Variants in PEAR1 observed in about 807,000 individuals in gnomAD.
The protein encoded by PEAR1 is platelet endothelial aggregation receptor 1.
A neutral mutation model predicts 131.2 loss-of-function variants in PEAR1; 113 were observed. That is an observed-to-expected ratio of 0.86 (90% confidence interval 0.74 to 1.01). The LOEUF (loss-of-function observed/expected upper bound fraction) is 1.01. Ranked by LOEUF, PEAR1 falls within the 50% of genes least tolerant of loss-of-function variation. The pLI, the probability that PEAR1 is intolerant of heterozygous loss-of-function variation, is 0.00. For missense variants in PEAR1, 1,408 were observed against 1,391.1 expected (o/e 1.01, Z -0.19); for synonymous variants, 565 against 523.3 (o/e 1.08, Z -1.09).
chr1:156,909,976 G>A (rs1223701972), intron 12 of PEAR1, 30 bp from the exon 13 acceptor site: 1 of 1,612,914 alleles, frequency 6.2e-7, no homozygotes, highest in Non-Finnish European at 8.5e-7. Context: ...CCAGCTGACT[G>A]GCCTACCTGC....
chr1:156,908,815 G>T lies in PEAR1; in HGVS notation c.1276G>T (p.Ala426Ser). The change falls in exon 10 of 23, where the codon GCG becomes TCG. Residue 426 changes from alanine to serine, a missense_variant. Physicochemically the swap from Ala to Ser is moderately conservative, Grantham distance 99. Transcript: ENST00000292357. This position sits in a 1 kb window ranked among gnomAD's most constrained non-coding sequence, Gnocchi z 4.2. ...GGCTACCAGCGGCCTCTGTCAGTGC[G>T]CGCCGGGTTACACGGTGAGGCGCGC... is the stretch of plus-strand genomic sequence containing the variant. ...CQATSGLCQC[A>S]PGYTGPHCAS... 6.2e-7 allele frequency: 1 copy of T among 1,606,880 alleles called. No individual in the cohort carries two copies. Among genetic ancestry groups the T allele is most frequent in the Non-Finnish European group, 8.5e-7 (1 of 1,179,354 alleles).
At chr1:156,910,179 C>G in intron 13 of PEAR1, 55 bp from the exon 14 acceptor site, 1 of 1,611,978 alleles carries the variant, frequency 6.2e-7, no homozygotes. Flanking sequence ...TCCAGAAGAG[C>G]CCCCTGGAAC....
intron 11 of PEAR1, 114 bp from the exon 12 acceptor site, chr1:156,909,637 A>T: frequency 8.4e-7 from 1 of 1,197,476 alleles, no homozygotes; most frequent in African/African-American, 1.5e-5. Flanking sequence ...TGCCGTGAAC[A>T]CCCCCCACCC....
Position 156,908,856 on chromosome 1 carries a change from C to T in PEAR1, c.1290+27C>T, listed in dbSNP as rs1438880416. 3.1e-6 allele frequency: 5 copies of T among 1,606,136 alleles called. No individual in the cohort carries two copies. The highest frequency in any genetic ancestry group is 1.7e-5 in the Admixed American group (1 of 59,918). On this transcript the variant is annotated intron_variant, in intron 10 of 22. Transcript: ENST00000292357. This position sits in a 1 kb window ranked among gnomAD's most constrained non-coding sequence, Gnocchi z 4.2. ...TGAGGCGCGCCCGGCTGCAAGGAAG[C>T]GAGGCAGGTGGAGAGGCCAAGGAAT... is the stretch of plus-strand genomic sequence containing the variant.
intron 1 of PEAR1, 134 bp from the exon 2 acceptor site, chr1:156,903,784 C>G (rs1040034660): frequency 2.2e-5 from 15 of 690,038 alleles, no homozygotes; most frequent in Non-Finnish European, 3.6e-5. Flanking sequence ...AGCTGGAGCT[C>G]AGAGCAAGGG....
chr1:156,912,908 A>G lies in PEAR1; in HGVS notation c.2348A>G (p.Lys783Arg). ...TTCATTGGCTATCGGCACTGGCAAA[A>G]AGGCAAGGAGCACCACCACCTGGCT... ...ALFIGYRHWQKGKEHHHLAVA... is the reference protein window; with the variant it reads ...ALFIGYRHWQRGKEHHHLAVA... The change falls in exon 18 of 23, where the codon AAA becomes AGA. Residue 783 changes from lysine (K) to arginine (R), a missense_variant. Transcript: ENST00000292357. 1 of 1,614,182 alleles carries G rather than the reference A, an allele frequency of 6.2e-7. No individual in the cohort carries two copies. Among genetic ancestry groups the G allele is most frequent in the Non-Finnish European group, 8.5e-7 (1 of 1,180,028 alleles).
intron 15 of PEAR1, among the ~76,000 whole-genome samples, chr1:156,911,815 T>C (rs899400062): frequency 6.6e-6 from 1 of 152,196 alleles, no homozygotes; most frequent in Non-Finnish European, 1.5e-5. Flanking sequence ...GGAAGTCATC[T>C]TGGTGAAGAG....
At chr1:156,894,062 G>A (rs966966648) in intron 1 of PEAR1, among the ~76,000 whole-genome samples, 3 of 152,214 alleles carry the variant, frequency 2.0e-5, no homozygotes, top group Non-Finnish European at 4.4e-5. Context: ...GTTCCCTTCC[G>A]TAATGAACAT....
intron 6 of PEAR1, 22 bp downstream of exon 6, chr1:156,906,902 A>G (rs1650393175): frequency 6.2e-7 from 1 of 1,609,394 alleles, no homozygotes; most frequent in Non-Finnish European, 8.5e-7. Context: ...GGGGAACGAC[A>G]CTTTAACAAG....
Position 156,907,748 on chromosome 1 carries a change from T to G in PEAR1, c.765+18T>G. Reference sequence around the variant, plus strand: ...GCTGGATGGTATGGAGGGTGGGGCCTGTGGGCATGGGGTGTGGGTCTGGGG... The same window carrying G: ...GCTGGATGGTATGGAGGGTGGGGCCGGTGGGCATGGGGTGTGGGTCTGGGG... On this transcript the variant is annotated intron_variant, in intron 7 of 22. Coordinates refer to ENST00000292357, the MANE Select transcript of PEAR1 (RefSeq NM_001080471.3). 6.3e-7 allele frequency: 1 copy of G among 1,596,910 alleles called. No homozygotes were observed. Among genetic ancestry groups the G allele is most frequent in the African/African-American group, 1.4e-5 (1 of 73,814 alleles).
Position 156,909,902 on chromosome 1 carries a change from G to A in PEAR1, c.1563G>A (p.Gln521=). The A allele has an allele frequency of 3.1e-6, 5 of 1,608,600 alleles. No individual in the cohort carries two copies. Among genetic ancestry groups the A allele is most frequent in the Non-Finnish European group, 4.3e-6 (5 of 1,176,208 alleles). The change falls in exon 12 of 23, where the codon CAG becomes CAA. Residue 521 remains glutamine (Q), a synonymous_variant. Coordinates refer to ENST00000292357, the MANE Select transcript of PEAR1 (RefSeq NM_001080471.3). ...CTGGGTGGCATGGGGCCCACTGCCA[G>A]CTGCCCTGTCCGGTGAGTGCTGGAC... is the stretch of plus-strand genomic sequence containing the variant. ...CTPGWHGAHC[Q]LPCPKGQFGE...
chr1:156,905,245 T>G (rs6676171), intron 3 of PEAR1, 79 bp from the exon 4 acceptor site: 396,145 of 1,444,606 alleles, frequency 0.27, 74,150 homozygotes, highest in East Asian at 0.83. Flanking sequence ...TGGTGCCCCT[T>G]CCCTGGCCTC....
chr1:156,906,964 A>G (rs868529837), intron 6 of PEAR1, 84 bp downstream of exon 6: 8 of 1,499,326 alleles, frequency 5.3e-6, no homozygotes, highest in Middle Eastern at 4.4e-4. Flanking sequence ...GGTGACTCAG[A>G]CAGGGCCCCA....
chr1:156,901,703 G>C (rs1345734221), intron 1 of PEAR1, among the ~76,000 whole-genome samples: 1 of 152,230 alleles, frequency 6.6e-6, no homozygotes, highest in Non-Finnish European at 1.5e-5. Flanking sequence ...GGGAAGAGGG[G>C]AGTGTGGAGA....
Position 156,904,612 on chromosome 1 carries a change from A to G in PEAR1, c.102-136A>G. 3.4e-6 allele frequency: 3 copies of G among 879,238 alleles called. No individual in the cohort carries two copies. In the South Asian group the frequency reaches 5.1e-5, roughly 15 times the overall value. 54.5% of individuals were successfully genotyped at this position (879,238 alleles called of 1,614,324 possible). A position where few individuals can be genotyped will look rare whatever the true frequency, so the allele number is the denominator to read the frequency against. On this transcript the variant is annotated intron_variant, in intron 2 of 22. Transcript: ENST00000292357. ...AGAGGTGGGACAGGATGGGGGTCCC[A>G]TCCTAGGCTACGAGAGCAGCCCCAG...
rs1203728128 is a variant in PEAR1, at chr1:156,912,567, A to G, written c.2154A>G (p.Pro718=). 1.2e-6 allele frequency: 2 copies of G among 1,613,930 alleles called. No individual in the cohort carries two copies. The highest frequency in any genetic ancestry group is 1.3e-5 in the African/African-American group (1 of 74,912). Reference sequence around the variant, plus strand: ...GTGGTCCTGGAGAAAAGTGCCACCCAGAGACTGGGGCCTGTGTATGTCCCC... The same window carrying G: ...GTGGTCCTGGAGAAAAGTGCCACCCGGAGACTGGGGCCTGTGTATGTCCCC... ...CQCGPGEKCH[P]ETGACVCPPG... is the part of the protein sequence containing the mutation. The change falls in exon 17 of 23, where the codon CCA becomes CCG. Residue 718 remains proline (P), a synonymous_variant. Transcript: ENST00000292357.
Position 156,906,316 on chromosome 1 carries a change from A to G in PEAR1, c.348A>G (p.Ala116=). The change falls in exon 5 of 23, where the codon GCA becomes GCG. Residue 116 remains alanine, a synonymous_variant. Coordinates refer to ENST00000292357, the MANE Select transcript of PEAR1 (RefSeq NM_001080471.3). ...AGTGTGTCCATGGCCGTTGTGTGGC[A>G]CCCAATCAGTGCCAATGTGTGCCAG... ...AQECVHGRCV[A]PNQCQCVPGW... is the part of the protein sequence containing the mutation. The G allele has an allele frequency of 6.2e-7, 1 of 1,614,132 alleles. No individual in the cohort carries two copies. Among genetic ancestry groups the G allele is most frequent in the South Asian group, 1.1e-5 (1 of 91,072 alleles).
Position 156,905,388 on chromosome 1 carries a change from T to G in PEAR1, c.271T>G (p.Cys91Gly). ...KTDHRQRLQCCHGFYESRGFC... is the reference protein window; with the variant it reads ...KTDHRQRLQCGHGFYESRGFC... ...GGACCACCGCCAGCGCCTGCAGTGC[T>G]GCCATGGCTTCTATGAGAGCAGGGG... The change falls in exon 4 of 23, where the codon TGC (cysteine) becomes GGC (glycine). Residue 91 changes from cysteine to glycine, a missense_variant. Coordinates refer to ENST00000292357, the MANE Select transcript of PEAR1 (RefSeq NM_001080471.3). 6.2e-7 allele frequency: 1 copy of G among 1,609,694 alleles called. No individual in the cohort carries two copies. Among genetic ancestry groups the G allele is most frequent in the Non-Finnish European group, 8.5e-7 (1 of 1,177,888 alleles).
intron 2 of PEAR1, 47 bp downstream of exon 2, chr1:156,904,074 C>A: frequency 6.7e-7 from 1 of 1,495,168 alleles, no homozygotes; most frequent in South Asian, 1.1e-5. Flanking sequence ...CCCTAGCTCC[C>A]GATTGTCCCT....
Sources: gnomAD v4.1 joint callset for allele counts (sites outside exome capture counted in the v4.1 genomes callset) on GRCh38, gnomAD v4.1.1 for gene constraint, Gnocchi (gnomAD v3.1) non-coding constraint, MANE v1.5 for transcripts, NCBI Gene and HGNC (gene_info 2026-07-23, HGNC 2026-07-21) for gene names.